GPD2: variants seen among roughly 807,000 people sequenced by gnomAD.
The protein encoded by GPD2 is glycerol-3-phosphate dehydrogenase 2.
GPD2 carries 54 observed loss-of-function variants against 82.4 expected under a neutral mutation model. The ratio of observed to expected loss-of-function variants is 0.66; its 90% CI spans 0.53 to 0.82. GPD2 has a LOEUF of 0.82. Ranked by LOEUF, GPD2 falls within the 40% of genes least tolerant of loss-of-function variation. GPD2 has a pLI of 0.00. For missense variants in GPD2, 748 were observed against 896.2 expected (o/e 0.83, Z 2.11); for synonymous variants, 288 against 306.1 (o/e 0.94, Z 0.62).
chr2:156,458,892 A>G (rs1038580553), intron 1 of GPD2, among the ~76,000 whole-genome samples: 1 of 152,190 alleles, frequency 6.6e-6, no homozygotes, highest in African/African-American at 2.4e-5. Flanking sequence ...GAAAATAAAA[A>G]TGATTCATAA....
At chr2:156,539,911 A>G (rs1367340887) in intron 6 of GPD2, among the ~76,000 whole-genome samples, 3 of 147,236 alleles carry the variant, frequency 2.0e-5, no homozygotes, top group Non-Finnish European at 4.5e-5. Context: ...GTAAATTGCA[A>G]TTTATAAAAT....
At chr2:156,508,629 T>C (rs567615778) in intron 3 of GPD2, among the ~76,000 whole-genome samples, 2 of 152,164 alleles carry the variant, frequency 1.3e-5, no homozygotes, top group African/African-American at 4.8e-5. Context: ...CTTGATGCCA[T>C]GACAGTGATT....
rs1684395778 is a variant in GPD2 at position 156,496,722 on chromosome 2, T to G, written c.274+507T>G. ...GTTTATTAATTTGTTCTGGTTTTTT[T>G]TAAAGCACATATTTATATTTATATA... On this transcript the variant is annotated intron_variant, in intron 3 of 16. Transcript: ENST00000438166. Among the ~76,000 whole-genome samples the G allele has an allele frequency of 5.3e-5, 8 of 152,208 alleles. No individual in the cohort carries two copies. In the South Asian group the frequency reaches 1.4e-3, roughly 28 times the overall value.
intron 1 of GPD2, among the ~76,000 whole-genome samples, chr2:156,451,734 G>T (rs1311666738): frequency 6.8e-6 from 1 of 147,838 alleles, no homozygotes; most frequent in Non-Finnish European, 1.5e-5. Context: ...GCGGCTGGCC[G>T]GGCGGGGGGC....
chr2:156,547,008 GACAA>G (rs947633489), intron 6 of GPD2, among the ~76,000 whole-genome samples: 4 of 152,110 alleles, frequency 2.6e-5, no homozygotes, highest in African/African-American at 9.7e-5. Flanking sequence ...AAAAAACAAA[GACAA>G]ACAAGTAAGC....
At chr2:156,512,409 A>G in intron 5 of GPD2, 92 bp downstream of exon 5, 2 of 772,934 alleles carry the variant, frequency 2.6e-6, no homozygotes, top group Admixed American at 1.7e-5. Context: ...TGCATATTTC[A>G]TAATGTGGTT....
At chr2:156,524,856 A>T (rs533198601) in intron 6 of GPD2, among the ~76,000 whole-genome samples, 57 of 152,354 alleles carry the variant, frequency 3.7e-4, no homozygotes, top group African/African-American at 1.4e-3. Flanking sequence ...GTAAATTTCC[A>T]TCACAAGTCT....
At chr2:156,497,388 GAGA>G (rs1247357990) in intron 3 of GPD2, among the ~76,000 whole-genome samples, 1 of 152,136 alleles carries the variant, frequency 6.6e-6, no homozygotes. Context: ...AATTGTCTTG[GAGA>G]AGGACTCCAC....
chr2:156,513,152 A>T (rs182617492), intron 5 of GPD2, among the ~76,000 whole-genome samples, 181 bp from the exon 6 acceptor site: 4 of 152,258 alleles, frequency 2.6e-5, no homozygotes, highest in African/African-American at 9.6e-5. Flanking sequence ...TCATTGATTT[A>T]TTTTACTTAT....
At chr2:156,505,177 C>G (rs530523678) in intron 3 of GPD2, among the ~76,000 whole-genome samples, 2 of 152,200 alleles carry the variant, frequency 1.3e-5, no homozygotes, top group South Asian at 4.2e-4. Context: ...AATTCTCACT[C>G]AGGTCAGAAA....
At chr2:156,406,908 G>A in the GPD2 span, among the ~76,000 whole-genome samples, 4 of 152,098 alleles carry the variant, frequency 2.6e-5, no homozygotes, top group East Asian at 3.9e-4. Context: ...GTATGAGAGA[G>A]TATTCATTGA....
In GPD2 at chr2:156,582,774, T is replaced by A. The variant is rs1688074197; in HGVS notation, c.2059-19T>A. ...AAGTTGGCCTGCGTTCTGAATCTGT[T>A]GCATATTTTCTCTTTAAGCTGATGA... On this transcript the variant is annotated intron_variant, in intron 16 of 16. Coordinates refer to ENST00000438166, the MANE Select transcript of GPD2 (RefSeq NM_000408.5). 6.2e-7 allele frequency: 1 copy of A among 1,612,350 alleles called. No individual in the cohort carries two copies.
chr2:156,497,215 CA>C (rs1180448077), intron 3 of GPD2, among the ~76,000 whole-genome samples: 3 of 152,014 alleles, frequency 2.0e-5, no homozygotes, highest in Non-Finnish European at 4.4e-5. Context: ...CCTTGTCTTT[CA>C]AATGAGGAAA....
chr2:156,451,015 G>T (rs1190844557), intron 1 of GPD2, among the ~76,000 whole-genome samples: 2 of 139,356 alleles, frequency 1.4e-5, no homozygotes, highest in African/African-American at 5.3e-5. Context: ...CAAGGCAGAA[G>T]AATTTTTCTT....
At chr2:156,446,633 G>A (rs994992401) in intron 1 of GPD2, among the ~76,000 whole-genome samples, 2 of 151,216 alleles carry the variant, frequency 1.3e-5, no homozygotes, top group East Asian at 3.9e-4. Context: ...GGAATGCAGT[G>A]GCACGATCTT....
intron 6 of GPD2, among the ~76,000 whole-genome samples, chr2:156,543,077 A>G (rs1686385463): frequency 6.6e-6 from 1 of 151,926 alleles, no homozygotes; most frequent in African/African-American, 2.4e-5. Flanking sequence ...TATACCAAAA[A>G]CCCTGCTTGC....
At chr2:156,538,064 T>C (rs1197813584) in intron 6 of GPD2, among the ~76,000 whole-genome samples, 1 of 152,250 alleles carries the variant, frequency 6.6e-6, no homozygotes, top group Non-Finnish European at 1.5e-5. Context: ...AACTATATTG[T>C]GTATAAACTT....
intron 9 of GPD2, among the ~76,000 whole-genome samples, chr2:156,558,109 C>A (rs1358564454): frequency 6.6e-6 from 1 of 152,174 alleles, no homozygotes; most frequent in Admixed American, 6.5e-5. Context: ...CCTATTCTTA[C>A]TGGGGCATTT....
At chr2:156,562,573 A>ACTT in intron 9 of GPD2, among the ~76,000 whole-genome samples, 1 of 79,012 alleles carries the variant, frequency 1.3e-5, no homozygotes. Context: ...AGTGGCAAAC[A>ACTT]TGAAAAAAAA....
Sources: gnomAD v4.1 joint callset for allele counts (sites outside exome capture counted in the v4.1 genomes callset) on GRCh38, gnomAD v4.1.1 for gene constraint, MANE v1.5 for transcripts, NCBI Gene and HGNC (gene_info 2026-07-23, HGNC 2026-07-21) for gene names.